Variants in PARD3B observed in about 807,000 individuals in gnomAD.
PARD3B encodes par-3 family cell polarity regulator beta, also known as partitioning defective 3 homolog B.
In PARD3B, 103 loss-of-function variants were observed where a neutral mutation model predicts 130.2. The ratio of observed to expected loss-of-function variants is 0.79; its 90% CI spans 0.67 to 0.93. The LOEUF is 0.93. Among genes scored for constraint, PARD3B ranks in the 40% least tolerant of loss-of-function variants. The pLI is 0.00. For synonymous variants in PARD3B, 583 were observed against 553.2 expected (o/e 1.05, Z -0.76); for missense variants, 1,609 against 1,499.2 (o/e 1.07, Z -1.21).
At chr2:205,437,932 A>G (rs577601480) in intron 19 of PARD3B, among the ~76,000 whole-genome samples, 8 of 152,170 alleles carry the variant, frequency 5.3e-5, no homozygotes, top group Middle Eastern at 3.4e-3. Flanking sequence ...AAAATTCTCA[A>G]TGAATTGGGG....
chr2:205,037,845 A>G (rs1698115920), intron 3 of PARD3B, among the ~76,000 whole-genome samples: 1 of 152,072 alleles, frequency 6.6e-6, no homozygotes. Flanking sequence ...TATTTTACTT[A>G]TGTAAATTTT....
At position 205,461,405 on chromosome 2, in the gene PARD3B, C is replaced by T. The variant is rs145922228; in HGVS notation, c.3044+20733C>T. On this transcript the variant is annotated intron_variant, in intron 20 of 22. Coordinates refer to ENST00000406610, the MANE Select transcript of PARD3B (RefSeq NM_001302769.2). The surrounding 1 kb of genome is among the most constrained non-coding windows in gnomAD (Gnocchi z 4.3). ...TAAATGGATGAGTCAGTCTGCCTGGCGCCTTTCTTCCCTTCATTGAACCAA... is the reference window on the plus strand; with the variant it reads ...TAAATGGATGAGTCAGTCTGCCTGGTGCCTTTCTTCCCTTCATTGAACCAA... Among the ~76,000 whole-genome samples the T allele has an allele frequency of 1.8e-3, 270 of 152,254 alleles. 1 individual carries two copies. The highest frequency in any genetic ancestry group is 6.2e-3 in the African/African-American group (257 of 41,558).
intron 2 of PARD3B, among the ~76,000 whole-genome samples, chr2:204,950,855 A>G (rs985528717): frequency 3.7e-4 from 57 of 152,040 alleles, no homozygotes; most frequent in African/African-American, 1.2e-3. Flanking sequence ...TTTTTAAACC[A>G]CAATCTGGAA....
At chr2:204,566,267 T>A (rs2031664590) in intron 1 of PARD3B, among the ~76,000 whole-genome samples, 1 of 152,240 alleles carries the variant, frequency 6.6e-6, no homozygotes, top group Non-Finnish European at 1.5e-5. Flanking sequence ...AAGGCAAAGG[T>A]ACAGCTCTGC....
chr2:204,686,364 CAT>C, intron 2 of PARD3B, 82 bp downstream of exon 2: 1 of 1,009,892 alleles, frequency 9.9e-7, no homozygotes. Flanking sequence ...TTAACAAACT[CAT>C]GTGTCAATTA....
Position 204,890,038 on chromosome 2 carries a change from A to G in PARD3B, c.223-75114A>G, listed in dbSNP as rs2046392338. Among the ~76,000 whole-genome samples the G allele has an allele frequency of 6.6e-6, 1 of 152,140 alleles. No homozygotes were observed. Among genetic ancestry groups the G allele is most frequent in the African/African-American group, 2.4e-5 (1 of 41,424 alleles). On this transcript the variant is annotated intron_variant, in intron 2 of 22. Coordinates refer to ENST00000406610, the MANE Select transcript of PARD3B (RefSeq NM_001302769.2). The surrounding 1 kb of genome is among the most constrained non-coding windows in gnomAD (Gnocchi z 4.9). ...TACAGTGTTTTTTTCTGGAAAGTTA[A>G]TTTTACTTTTGGCATATGTTCTCTG...
At chr2:205,174,101 G>A (rs371286538) in intron 12 of PARD3B, among the ~76,000 whole-genome samples, 2 of 152,194 alleles carry the variant, frequency 1.3e-5, no homozygotes, top group East Asian at 1.9e-4. Flanking sequence ...GCAGATAGGC[G>A]TTATATATTT....
At chr2:205,380,051 G>T (rs1243325860) in intron 18 of PARD3B, among the ~76,000 whole-genome samples, 2 of 129,372 alleles carry the variant, frequency 1.5e-5, no homozygotes, top group East Asian at 4.3e-4. Context: ...CTGGGCGACA[G>T]AATGAGACTC....
chr2:205,120,757 A>G (rs2030602563), intron 7 of PARD3B, among the ~76,000 whole-genome samples: 1 of 152,164 alleles, frequency 6.6e-6, no homozygotes, highest in African/African-American at 2.4e-5. Context: ...AGAAATAGGG[A>G]AGAGAAACAG....
intron 19 of PARD3B, among the ~76,000 whole-genome samples, chr2:205,412,016 A>G (rs1169346069): frequency 1.3e-5 from 2 of 152,074 alleles, no homozygotes; most frequent in African/African-American, 2.4e-5. Flanking sequence ...TTTCCATTCT[A>G]TATATTACAT....
At chr2:205,066,217 T>C (rs895241848) in intron 4 of PARD3B, among the ~76,000 whole-genome samples, 3 of 152,186 alleles carry the variant, frequency 2.0e-5, no homozygotes, top group Non-Finnish European at 4.4e-5. Flanking sequence ...CTTAATCTGA[T>C]TGTGTTGAAC....
At chr2:204,778,541 A>T (rs561235762) in intron 2 of PARD3B, among the ~76,000 whole-genome samples, 1 of 152,270 alleles carries the variant, frequency 6.6e-6, no homozygotes, top group African/African-American at 2.4e-5. Flanking sequence ...TACATGGATG[A>T]TAGTGTAAAG....
rs1026863720 is a variant in PARD3B, at chr2:204,610,377, A to G, written c.120+64258A>G. Among the ~76,000 whole-genome samples the G allele has an allele frequency of 1.2e-4, 19 of 152,118 alleles. No homozygotes were observed. The highest frequency in any genetic ancestry group is 1.5e-5 in the Non-Finnish European group (1 of 68,018). On this transcript the variant is annotated intron_variant, in intron 1 of 22. Coordinates refer to ENST00000406610, the MANE Select transcript of PARD3B (RefSeq NM_001302769.2). This position sits in a 1 kb window ranked among gnomAD's most constrained non-coding sequence, Gnocchi z 4.1. ...GACTTATTGTTCCCTTGTCCTTTTT[A>G]TGGAGTCTCCCTCTGTTGCCTAGGC...
In PARD3B at chr2:205,530,650, C is replaced by T. The variant is rs568641506; in HGVS notation, c.3181-22674C>T. Among the ~76,000 whole-genome samples, 47 of 151,966 alleles carry T rather than the reference C, an allele frequency of 3.1e-4. No homozygotes were observed. Among genetic ancestry groups the T allele is most frequent in the Admixed American group, 1.6e-3 (25 of 15,258 alleles). ...CGAGATTCAGAGAGGGGCAAAATGT[C>T]TCTGGCGTGTGTGTGGTTAGCAGGG... is the stretch of plus-strand genomic sequence containing the variant. On this transcript the variant is annotated intron_variant, in intron 21 of 22. Coordinates refer to ENST00000406610, the MANE Select transcript of PARD3B (RefSeq NM_001302769.2). This position sits in a 1 kb window ranked among gnomAD's most constrained non-coding sequence, Gnocchi z 4.7.
chr2:205,613,737 A>C (rs927265319), intron 22 of PARD3B, among the ~76,000 whole-genome samples: 2 of 152,236 alleles, frequency 1.3e-5, no homozygotes, highest in African/African-American at 4.8e-5. Flanking sequence ...AAGACAAAAA[A>C]GTAGAGAGAA....
chr2:205,114,933 A>G (rs1703922927), intron 6 of PARD3B, among the ~76,000 whole-genome samples: 1 of 152,082 alleles, frequency 6.6e-6, no homozygotes, highest in South Asian at 2.1e-4. Context: ...TTTTTGATAG[A>G]TAGGGTGAAT....
chr2:204,755,314 A>G (rs1029535807), intron 2 of PARD3B, among the ~76,000 whole-genome samples: 3 of 152,094 alleles, frequency 2.0e-5, no homozygotes, highest in African/African-American at 7.2e-5. Flanking sequence ...CTGTTAGGAA[A>G]CTGTAAAAAT....
intron 21 of PARD3B, among the ~76,000 whole-genome samples, chr2:205,529,666 C>T (rs1321340351): frequency 6.6e-6 from 1 of 152,082 alleles, no homozygotes; most frequent in Non-Finnish European, 1.5e-5. Flanking sequence ...GAGTTAGTAG[C>T]TTTTTGGACA....
chr2:204,566,748 G>C (rs2031694955), intron 1 of PARD3B, among the ~76,000 whole-genome samples: 1 of 151,992 alleles, frequency 6.6e-6, no homozygotes, highest in Admixed American at 6.6e-5. Context: ...GGGTTGTTTT[G>C]ATTTTTTTTC....
Sources: gnomAD v4.1 joint callset for allele counts (sites outside exome capture counted in the v4.1 genomes callset) on GRCh38, gnomAD v4.1.1 for gene constraint, Gnocchi (gnomAD v3.1) non-coding constraint, MANE v1.5 for transcripts, NCBI Gene and HGNC (gene_info 2026-07-23, HGNC 2026-07-21) for gene names.